Variants in ZNF236 observed in about 807,000 individuals in gnomAD.
The protein encoded by ZNF236 is zinc finger protein 236.
In ZNF236, 50 loss-of-function variants were observed where a neutral mutation model predicts 191.2. The observed-to-expected ratio is 0.26, with a 90% CI of 0.21 to 0.33. The LOEUF is 0.33. Among genes scored for constraint, ZNF236 ranks in the 10% least tolerant of loss-of-function variants. The probability of loss-of-function intolerance (pLI) is 1.00; values close to 1 mark genes in which losing one functional copy is unlikely to be tolerated. For synonymous variants in ZNF236, 907 were observed against 928.8 expected (o/e 0.98, Z 0.43); for missense variants, 1,754 against 2,374.5 (o/e 0.74, Z 5.43).
At chr18:76,845,917 C>T (rs1403144614) in intron 1 of ZNF236, among the ~76,000 whole-genome samples, 1 of 152,166 alleles carries the variant, frequency 6.6e-6, no homozygotes, top group East Asian at 1.9e-4. Flanking sequence ...CATTTGATCA[C>T]ATGTTTCTTT....
rs774410807 is a variant in ZNF236 at position 76,880,106 on chromosome 18, G to C, written c.985-7G>C. The C allele has an allele frequency of 1.9e-6, 3 of 1,585,092 alleles. No homozygotes were observed. The highest frequency in any genetic ancestry group is 2.6e-6 in the Non-Finnish European group (3 of 1,164,206). ...GTATTTTTAATGAAAATGTTTCTGT[G>C]TTTCAGGCCACACTTTTTCAGACGT... On this transcript the variant is annotated splice_polypyrimidine_tract_variant and splice_region_variant and intron_variant, in intron 7 of 30. Coordinates refer to ENST00000320610, the MANE Select transcript of ZNF236 (RefSeq NM_001306089.2). This position sits in a 1 kb window ranked among gnomAD's most constrained non-coding sequence, Gnocchi z 5.0.
At chr18:76,827,041 C>T (rs1975038756) in intron 1 of ZNF236, among the ~76,000 whole-genome samples, 1 of 149,030 alleles carries the variant, frequency 6.7e-6, no homozygotes, top group South Asian at 2.1e-4. Flanking sequence ...GCATTACAGG[C>T]ATGCGCCACT....
At chr18:76,939,829 A>AC (rs1181257138) in intron 26 of ZNF236, among the ~76,000 whole-genome samples, 3 of 147,440 alleles carry the variant, frequency 2.0e-5, no homozygotes, top group Non-Finnish European at 4.5e-5. Context: ...ACAGTGGGCT[A>AC]CCCTAGCACT....
At chr18:76,940,955 T>C (rs572483586) in intron 26 of ZNF236, among the ~76,000 whole-genome samples, 1 of 152,318 alleles carries the variant, frequency 6.6e-6, no homozygotes, top group East Asian at 1.9e-4. Context: ...TATTGTGAAC[T>C]ACACATGTGA....
chr18:76,830,020 G>A (rs1441186225), intron 1 of ZNF236, among the ~76,000 whole-genome samples: 2 of 152,172 alleles, frequency 1.3e-5, no homozygotes, highest in African/African-American at 4.8e-5. Context: ...ACAGGCACGC[G>A]CCACCACGCC....
At position 76,899,174 on chromosome 18, in the gene ZNF236, C is replaced by G. The variant is rs8093707; in HGVS notation, c.1846C>G (p.Pro616Ala). The G allele has an allele frequency of 6.2e-6, 10 of 1,613,996 alleles. No individual in the cohort carries two copies. The stretch of plus-strand genomic sequence containing the variant: ...GGTCCGTGTTGGCAAGACGAATATT[C>G]CAGTCCCTGATATTCCTTTGCAGGA... ...AKVRVGKTNIPVPDIPLQEPI... is the reference protein window; with the variant it reads ...AKVRVGKTNIAVPDIPLQEPI... The change falls in exon 11 of 31, where the codon CCA (proline) becomes GCA (alanine). Residue 616 changes from proline to alanine, a missense_variant. Physicochemically the swap from Pro to Ala is conservative, Grantham distance 27 (BLOSUM62 -1). Transcript: ENST00000320610.
At chr18:76,828,193 G>T (rs1436552087) in intron 1 of ZNF236, among the ~76,000 whole-genome samples, 1 of 151,200 alleles carries the variant, frequency 6.6e-6, no homozygotes, top group East Asian at 1.9e-4. Flanking sequence ...TTGAGACAAG[G>T]TCTCGTTCTC....
chr18:76,959,213 T>C (rs1410865784), intron 28 of ZNF236, among the ~76,000 whole-genome samples: 1 of 151,936 alleles, frequency 6.6e-6, no homozygotes, highest in Non-Finnish European at 1.5e-5. Flanking sequence ...TGGGTGAGAG[T>C]CACTGAACGG....
At chr18:76,963,412 C>T (rs542171298) in intron 30 of ZNF236, among the ~76,000 whole-genome samples, 1 of 152,250 alleles carries the variant, frequency 6.6e-6, no homozygotes, top group East Asian at 1.9e-4. Flanking sequence ...TCCTGCATCC[C>T]TGGTATGAAA....
intron 27 of ZNF236, 132 bp downstream of exon 27, chr18:76,947,784 C>A: frequency 9.3e-7 from 1 of 1,069,962 alleles, no homozygotes; most frequent in Non-Finnish European, 1.3e-6. Flanking sequence ...GAGGTGTCCC[C>A]GGCTGAATCC....
intron 1 of ZNF236, among the ~76,000 whole-genome samples, chr18:76,830,609 G>A (rs1011823703): frequency 2.6e-5 from 4 of 151,920 alleles, no homozygotes; most frequent in Non-Finnish European, 5.9e-5. Context: ...CATAAAATAC[G>A]CTAACACTAA....
At chr18:76,931,007 C>T (rs1429283749) in intron 25 of ZNF236, 3 of 152,202 alleles carry the variant, frequency 2.0e-5, no homozygotes, top group Admixed American at 6.5e-5. Flanking sequence ...GTTTAACACA[C>T]TTGCCAATAC....
chr18:76,918,136 A>G (rs1967423667), intron 19 of ZNF236, among the ~76,000 whole-genome samples: 1 of 152,210 alleles, frequency 6.6e-6, no homozygotes, highest in Non-Finnish European at 1.5e-5. Context: ...TCATACAATA[A>G]TGACCTCCCT....
Position 76,927,668 on chromosome 18 carries a change from C to A in ZNF236, c.4414+151C>A. 1 of 1,126,680 alleles carries A rather than the reference C, an allele frequency of 8.9e-7. No individual in the cohort carries two copies. The highest frequency in any genetic ancestry group is 1.2e-6 in the Non-Finnish European group (1 of 818,152). 69.8% of individuals were successfully genotyped at this position (1,126,680 alleles called of 1,614,324 possible). ...TGTCCTGAGAATAAAATAAGCTTTT[C>A]TTACAATTAATGATATGTATTTAAT... is the stretch of plus-strand genomic sequence containing the variant. On this transcript the variant is annotated intron_variant, in intron 24 of 30. Transcript: ENST00000320610. This position sits in a 1 kb window ranked among gnomAD's most constrained non-coding sequence, Gnocchi z 5.4.
chr18:76,895,949 A>G (rs771090495), intron 10 of ZNF236, among the ~76,000 whole-genome samples: 8 of 151,974 alleles, frequency 5.3e-5, no homozygotes, highest in Admixed American at 1.3e-4. Flanking sequence ...CAGACACAGT[A>G]CCACACACAA....
At chr18:76,892,811 C>T (rs1977288446) in intron 9 of ZNF236, among the ~76,000 whole-genome samples, 1 of 152,234 alleles carries the variant, frequency 6.6e-6, no homozygotes, top group Admixed American at 6.5e-5. Flanking sequence ...AGGTGATCCG[C>T]CCGCCTCGGC....
Position 76,871,685 on chromosome 18 carries a change from C to G in ZNF236, c.543-16C>G. ...AGACATCTTACTGTGTATTTTGCCC[C>G]CCTTTATTACACTAGGGTATCAAGT... On this transcript the variant is annotated splice_polypyrimidine_tract_variant and intron_variant, in intron 4 of 30. Coordinates refer to ENST00000320610, the MANE Select transcript of ZNF236 (RefSeq NM_001306089.2). 1.9e-6 allele frequency: 3 copies of G among 1,613,720 alleles called. No homozygotes were observed. Among genetic ancestry groups the G allele is most frequent in the Non-Finnish European group, 2.5e-6 (3 of 1,179,796 alleles).
Position 76,968,761 on chromosome 18 carries a change from C to T in ZNF236, c.*422C>T, listed in dbSNP as rs974971756. On this transcript the variant is annotated 3_prime_UTR_variant, in exon 31 of 31. Transcript: ENST00000320610. ...TAAGAAGCATAGCTTACAAAGCAAG[C>T]GTAAGATTGAGGCATGAAGTTCAGA... 4 of 992,048 alleles carry T rather than the reference C, an allele frequency of 4.0e-6. No individual in the cohort carries two copies. The highest frequency in any genetic ancestry group is 3.6e-6 in the Non-Finnish European group (3 of 834,646). The allele number at this position is 992,048 out of a possible 1,614,324, so 61.5% of individuals were successfully genotyped here.
chr18:76,843,557 C>T (rs1329538353), intron 1 of ZNF236, among the ~76,000 whole-genome samples: 1 of 139,880 alleles, frequency 7.1e-6, no homozygotes, highest in African/African-American at 2.7e-5. Flanking sequence ...GTGGGCGGAT[C>T]ACGAGGTCAG....
Sources: allele counts gnomAD v4.1 joint callset (sites outside exome capture counted in the v4.1 genomes callset), GRCh38; gene constraint gnomAD v4.1.1; non-coding constraint Gnocchi (gnomAD v3.1); transcripts MANE v1.5; gene names NCBI Gene and HGNC (gene_info 2026-07-23, HGNC 2026-07-21).